The following NLGN1 variants were observed in gnomAD, a reference collection of about 807,000 sequenced individuals.
NLGN1 encodes neuroligin-1.
NLGN1 carries 12 observed loss-of-function variants against 65.5 expected under a neutral mutation model. The observed-to-expected ratio is 0.18, with a 90% CI of 0.12 to 0.30. The LOEUF (loss-of-function observed/expected upper bound fraction) is 0.30, where lower values mean the gene tolerates loss of function less well. Among genes scored for constraint, NLGN1 ranks in the 10% least tolerant of loss-of-function variants. NLGN1 has a pLI of 1.00. For synonymous variants in NLGN1, 350 were observed against 359.5 expected (o/e 0.97, Z 0.30); for missense variants, 750 against 1,007.1 (o/e 0.74, Z 3.46).
chr3:173,661,810 A>G (rs1256551098), intron 3 of NLGN1, among the ~76,000 whole-genome samples: 2 of 152,038 alleles, frequency 1.3e-5, no homozygotes, highest in Non-Finnish European at 2.9e-5. Context: ...CATTGATTAA[A>G]AGATAAGTTT....
At chr3:173,498,145 C>T (rs1730346177) in intron 2 of NLGN1, among the ~76,000 whole-genome samples, 1 of 151,610 alleles carries the variant, frequency 6.6e-6, no homozygotes, top group African/African-American at 2.4e-5. Flanking sequence ...TGTTGGTGTG[C>T]TGCACCCATT....
intron 2 of NLGN1, among the ~76,000 whole-genome samples, chr3:173,458,618 T>C (rs917837157): frequency 9.9e-5 from 15 of 152,134 alleles, no homozygotes; most frequent in Admixed American, 3.9e-4. Flanking sequence ...AAGAGCAGTC[T>C]AACCTCTGTT....
intron 4 of NLGN1, among the ~76,000 whole-genome samples, chr3:174,080,644 C>T (rs919924968): frequency 4.6e-5 from 7 of 151,914 alleles, no homozygotes; most frequent in Admixed American, 6.6e-5. Context: ...CCAGTCGTTC[C>T]GAGAAGAAGA....
At chr3:173,438,663 C>A (rs770407490) in intron 2 of NLGN1, among the ~76,000 whole-genome samples, 1 of 151,918 alleles carries the variant, frequency 6.6e-6, no homozygotes, top group Non-Finnish European at 1.5e-5. Flanking sequence ...AGAAAAACTG[C>A]GGAAGATTTA....
intron 2 of NLGN1, among the ~76,000 whole-genome samples, chr3:173,440,235 A>AT (rs559981835): frequency 1.1e-3 from 165 of 151,804 alleles, no homozygotes; most frequent in African/African-American, 3.6e-3. Context: ...TTTTTTTGCT[A>AT]TTTTTTTTAA....
In NLGN1 at chr3:173,947,657, A is replaced by G. The variant is rs373268226; in HGVS notation, c.646+139825A>G. On this transcript the variant is annotated intron_variant, in intron 4 of 6. Coordinates refer to ENST00000457714, the Ensembl canonical transcript of NLGN1. ...AACATTAAATTCCTTTAAAATATAC[A>G]ATACAGGCATGAAATATCATGAACA... 3.1e-3 allele frequency among the ~76,000 whole-genome samples: 465 copies of G among 152,338 alleles called. 6 individuals carry two copies. The highest frequency in any genetic ancestry group is 0.01 in the African/African-American group (417 of 41,568).
chr3:173,836,064 G>C (rs1267563977), intron 4 of NLGN1, among the ~76,000 whole-genome samples: 1 of 152,124 alleles, frequency 6.6e-6, no homozygotes, highest in Non-Finnish European at 1.5e-5. Flanking sequence ...CCCAGCACTG[G>C]AACTTGCAGC....
intron 3 of NLGN1, among the ~76,000 whole-genome samples, chr3:173,698,756 C>A (rs1195595840): frequency 3.3e-5 from 5 of 152,054 alleles, no homozygotes; most frequent in South Asian, 4.1e-4. Flanking sequence ...ATTTTGTTTT[C>A]TTTTGACATT....
intron 2 of NLGN1, among the ~76,000 whole-genome samples, chr3:173,490,841 A>G (rs554404998): frequency 0.035 from 5,380 of 152,034 alleles, 318 homozygotes; most frequent in African/African-American, 0.12. Flanking sequence ...TAGGTATTTT[A>G]TTCTCTTTGA....
chr3:173,634,094 A>C lies in NLGN1; in HGVS notation c.493+29003A>C, dbSNP rs1293510533. Among the ~76,000 whole-genome samples the C allele has an allele frequency of 2.6e-5, 4 of 152,146 alleles. No homozygotes were observed. In the East Asian group the frequency reaches 7.7e-4, roughly 29 times the overall value. On this transcript the variant is annotated intron_variant, in intron 3 of 6. Transcript: ENST00000457714. ...CTTGCCTAAATCCACATTTTTAATT[A>C]AAAACATTATGGGATTTTAAGTTTT...
chr3:173,703,212 T>C (rs1411199872), intron 3 of NLGN1, among the ~76,000 whole-genome samples: 4 of 152,192 alleles, frequency 2.6e-5, no homozygotes, highest in African/African-American at 9.6e-5. Flanking sequence ...AAGTACCCTT[T>C]ATAGAACCAA....
At chr3:173,947,792 C>G (rs1409734623) in intron 4 of NLGN1, among the ~76,000 whole-genome samples, 1 of 151,954 alleles carries the variant, frequency 6.6e-6, no homozygotes, top group East Asian at 1.9e-4. Flanking sequence ...TATCAAATGC[C>G]AATATCCCTT....
intron 2 of NLGN1, among the ~76,000 whole-genome samples, chr3:173,588,012 A>T (rs907397980): frequency 2.6e-5 from 4 of 152,204 alleles, no homozygotes; most frequent in African/African-American, 9.6e-5. Context: ...TTTTTAAATG[A>T]CTTGTTGAAA....
chr3:173,822,044 G>A (rs1720422380), intron 4 of NLGN1, among the ~76,000 whole-genome samples: 1 of 152,122 alleles, frequency 6.6e-6, no homozygotes, highest in African/African-American at 2.4e-5. Flanking sequence ...TCAGAAGGTT[G>A]TGAAACATGA....
chr3:174,131,070 AT>A (rs1211521548), intron 4 of NLGN1, among the ~76,000 whole-genome samples: 35 of 152,152 alleles, frequency 2.3e-4, no homozygotes, highest in Admixed American at 2.3e-3. Flanking sequence ...TATTTATTAA[AT>A]TTCATCTCTC....
chr3:173,518,991 T>C (rs745502541), intron 2 of NLGN1, among the ~76,000 whole-genome samples: 1 of 152,134 alleles, frequency 6.6e-6, no homozygotes, highest in Non-Finnish European at 1.5e-5. Flanking sequence ...CCTGCTGTCC[T>C]GCACAGCCTC....
rs144756604 is a variant in NLGN1, at chr3:173,440,351, C to T, written c.-321+5273C>T. 2.4e-3 allele frequency among the ~76,000 whole-genome samples: 366 copies of T among 152,196 alleles called. 2 individuals are homozygous for T. Among genetic ancestry groups the T allele is most frequent in the African/African-American group, 8.6e-3 (358 of 41,536 alleles). On this transcript the variant is annotated intron_variant, in intron 2 of 6. Coordinates refer to ENST00000457714, the Ensembl canonical transcript of NLGN1. ...CTAATGTTGATATTTTGATCTCCTC[C>T]TGTGAATCACAAATGTTCTCAGTGG...
chr3:174,279,797 A>G lies in NLGN1; in HGVS notation c.1649+147A>G. 4 of 588,918 alleles carry G rather than the reference A, an allele frequency of 6.8e-6. No homozygotes were observed. In the South Asian group the frequency reaches 7.8e-5, roughly 11 times the overall value. The allele number at this position is 588,918 out of a possible 1,614,324, so 36.5% of individuals were successfully genotyped here. On this transcript the variant is annotated intron_variant, in intron 6 of 6. Transcript: ENST00000457714. This position sits in a 1 kb window ranked among gnomAD's most constrained non-coding sequence, Gnocchi z 4.7. ...CTTTATTCAAAATTAATTCTATATT[A>G]TGGTGTTTTTAAAAGTCATTGCTTT...
At chr3:173,762,577 G>A (rs114501741) in intron 3 of NLGN1, among the ~76,000 whole-genome samples, 9 of 151,904 alleles carry the variant, frequency 5.9e-5, no homozygotes, top group Non-Finnish European at 1.5e-5. Context: ...AAAAGAGACT[G>A]TTTTATTATG....
Sources: gnomAD v4.1 joint callset for allele counts (sites outside exome capture counted in the v4.1 genomes callset) on GRCh38, gnomAD v4.1.1 for gene constraint, Gnocchi (gnomAD v3.1) non-coding constraint, MANE v1.5 for transcripts, NCBI Gene and HGNC (gene_info 2026-07-23, HGNC 2026-07-21) for gene names.